The following CSTF3 variants were observed in gnomAD, a reference collection of about 807,000 sequenced individuals.
CSTF3 encodes the protein cleavage stimulation factor subunit 3, also known as CF-1 77 kDa subunit.
Under a neutral mutation model 105.8 loss-of-function variants are expected in CSTF3, and 29 were observed. The observed-to-expected ratio is 0.27, with a 90% confidence interval of 0.20 to 0.37. The LOEUF (loss-of-function observed/expected upper bound fraction) is 0.37. Ranked by LOEUF, CSTF3 falls within the 10% of genes least tolerant of loss-of-function variation. CSTF3 has a pLI of 1.00. For missense variants in CSTF3, 357 were observed against 879.3 expected, an observed-to-expected ratio of 0.41 and a Z score of 7.51; for synonymous variants, 252 against 281.9, an observed-to-expected ratio of 0.89 and a Z score of 1.06.
intron 1 of CSTF3, among the ~76,000 whole-genome samples, chr11:33,154,234 C>G (rs1849826002): frequency 6.6e-6 from 1 of 152,066 alleles, no homozygotes; most frequent in South Asian, 2.1e-4. Flanking sequence ...TTATAACGCA[C>G]CTAATTATGA....
rs184864460 is a variant in CSTF3 at position 33,087,426 on chromosome 11, G to C, written c.1642-285C>G. On this transcript the variant is annotated intron_variant, in intron 17 of 20. Transcript: ENST00000323959. ...TGTAGGACAGATACAAGCTTTTTTG[G>C]GTAGTCAGACTGGGAACCAAGTAGA... Among the ~76,000 whole-genome samples the C allele has an allele frequency of 3.4e-3, 522 of 152,200 alleles. 2 individuals are homozygous for C. The highest frequency in any genetic ancestry group is 5.2e-3 in the Non-Finnish European group (355 of 68,002).
intron 1 of CSTF3, among the ~76,000 whole-genome samples, chr11:33,158,911 C>A (rs944550128): frequency 1.3e-5 from 2 of 151,888 alleles, no homozygotes; most frequent in African/African-American, 4.8e-5. Context: ...ACAACAGCCC[C>A]AGGGGAGAAG....
rs765149673 is a variant in CSTF3 at position 33,096,337 on chromosome 11, C to G, written c.1344G>C (p.Leu448=). The change falls in exon 15 of 21, where the codon CTG becomes CTC. Residue 448 remains leucine, a synonymous_variant. Transcript: ENST00000323959. ...GGTGAGAAAGATAGTCAATATAGGC[C>G]AGGACATACTCTGGAATGTCTCCAT... is the stretch of plus-strand genomic sequence containing the variant. ...KKYGDIPEYV[L]AYIDYLSHLN... 2.5e-6 allele frequency: 4 copies of G among 1,595,226 alleles called. No homozygotes were observed. The highest frequency in any genetic ancestry group is 3.4e-6 in the Non-Finnish European group (4 of 1,175,848).
chr11:33,099,045 C>G lies in CSTF3; in HGVS notation c.1042G>C (p.Asp348His). 2 of 1,568,972 alleles carry G rather than the reference C, an allele frequency of 1.3e-6. No homozygotes were observed. Among genetic ancestry groups the G allele is most frequent in the Non-Finnish European group, 1.7e-6 (2 of 1,169,588 alleles). ...KNMLLYFAYA[D>H]YEESRMKYEK... is the part of the protein sequence containing the mutation. ...ACATTTTTACTTACCTCTTCATAAT[C>G]TGCATATGCAAAATAAAGAAGCATA... The change falls in exon 12 of 21, where the codon GAT (aspartate) becomes CAT (histidine). Residue 348 changes from aspartate to histidine, a missense_variant. Asp to His is a moderately conservative substitution (Grantham distance 81, BLOSUM62 -1). This residue lies in a region of CSTF3 where 206 missense variants were observed against 576.5 expected (regional missense o/e 0.36). Coordinates refer to ENST00000323959, the MANE Select transcript of CSTF3 (RefSeq NM_001326.3). This position sits in a 1 kb window ranked among gnomAD's most constrained non-coding sequence, Gnocchi z 4.1.
At chr11:33,114,038 G>T (rs1405581672) in intron 3 of CSTF3, among the ~76,000 whole-genome samples, 3 of 152,060 alleles carry the variant, frequency 2.0e-5, no homozygotes, top group Non-Finnish European at 4.4e-5. Context: ...AGCATTAATT[G>T]GTCATCACGT....
intron 18 of CSTF3, 37 bp downstream of exon 18, chr11:33,086,951 C>G: frequency 6.2e-7 from 1 of 1,613,318 alleles, no homozygotes; most frequent in Non-Finnish European, 8.5e-7. Context: ...AACAAACAAA[C>G]CAACGTCTCA....
intron 15 of CSTF3, among the ~76,000 whole-genome samples, chr11:33,095,796 T>C (rs935744915): frequency 4.8e-5 from 7 of 144,634 alleles, no homozygotes; most frequent in Non-Finnish European, 1.1e-4. Flanking sequence ...CACTCCAGCC[T>C]GGGCGACAGC....
At position 33,123,640 on chromosome 11, in the gene CSTF3, C is replaced by T. The variant is rs139775951; in HGVS notation, c.226-15222G>A. ...TCAGTAGGAGACAAGTTAAAAGAAA[C>T]ATAGAATATTATGTACTTGTAGAAA... On this transcript the variant is annotated intron_variant, in intron 3 of 20. Transcript: ENST00000323959. Among the ~76,000 whole-genome samples the T allele has an allele frequency of 1.7e-3, 263 of 151,882 alleles. 7 individuals are homozygous for T. In the East Asian group the frequency reaches 0.043, roughly 25 times the overall value.
chr11:33,155,776 C>T (rs1467037689), intron 1 of CSTF3, among the ~76,000 whole-genome samples: 3 of 152,046 alleles, frequency 2.0e-5, no homozygotes, highest in Admixed American at 6.6e-5. Flanking sequence ...AACAAAAAGA[C>T]TCAAATTCAC....
At chr11:33,095,825 AATAAATAAAT>A (rs771850895) in intron 15 of CSTF3, among the ~76,000 whole-genome samples, 5 of 150,750 alleles carry the variant, frequency 3.3e-5, no homozygotes, top group South Asian at 2.1e-4. Context: ...GTCTCAAATA[AATAAATAAAT>A]AAATAAATAA....
At chr11:33,108,588 T>C (rs895880541) in intron 3 of CSTF3, among the ~76,000 whole-genome samples, 170 bp from the exon 4 acceptor site, 1 of 152,326 alleles carries the variant, frequency 6.6e-6, no homozygotes, top group South Asian at 2.1e-4. Context: ...ATAAAATGCA[T>C]TGTAAATATA....
At chr11:33,100,354 C>CA (rs71034652) in intron 10 of CSTF3, among the ~76,000 whole-genome samples, 69,028 of 126,830 alleles carry the variant, frequency 0.54, 20,535 homozygotes, top group Middle Eastern at 0.69. Context: ...GACTCCATCT[C>CA]AAAAAAAAAA....
intron 15 of CSTF3, 57 bp from the exon 16 acceptor site, chr11:33,092,397 T>C: frequency 8.9e-7 from 1 of 1,122,078 alleles, no homozygotes; most frequent in Non-Finnish European, 1.3e-6. Context: ...TGCAACAATA[T>C]TTTCATATGC....
chr11:33,091,139 T>A lies in CSTF3; in HGVS notation c.1446-412A>T, dbSNP rs1855164990. Among the ~76,000 whole-genome samples the A allele has an allele frequency of 2.6e-5, 4 of 152,338 alleles. No individual in the cohort carries two copies. In the South Asian group the frequency reaches 8.3e-4, roughly 32 times the overall value. ...CAGATTTCTAATTTCTCCTGAATAA[T>A]GTGGCTTCATTTTAAGTGGCAGGAA... is the stretch of plus-strand genomic sequence containing the variant. On this transcript the variant is annotated intron_variant, in intron 16 of 20. Transcript: ENST00000323959.
intron 19 of CSTF3, 29 bp downstream of exon 19, chr11:33,085,866 G>GTATC (rs757348319): frequency 6.3e-7 from 1 of 1,578,384 alleles, no homozygotes; most frequent in African/African-American, 1.4e-5. Flanking sequence ...CACAGAGCCA[G>GTATC]TATCTACCAT....
intron 1 of CSTF3, among the ~76,000 whole-genome samples, chr11:33,161,010 C>G (rs1384156432): frequency 6.6e-6 from 1 of 152,042 alleles, no homozygotes; most frequent in Non-Finnish European, 1.5e-5. Context: ...AAAACGATAT[C>G]AAAGGAAAGC....
intron 1 of CSTF3, among the ~76,000 whole-genome samples, chr11:33,149,620 G>A (rs1389016014): frequency 6.6e-6 from 1 of 152,186 alleles, no homozygotes; most frequent in African/African-American, 2.4e-5. Context: ...AACAGGCTGG[G>A]CAGAGTGGCT....
At chr11:33,158,228 C>G (rs964738479) in intron 1 of CSTF3, among the ~76,000 whole-genome samples, 38 of 151,994 alleles carry the variant, frequency 2.5e-4, no homozygotes, top group African/African-American at 9.2e-4. Flanking sequence ...AGATGACTTC[C>G]TTGTTGATAA....
intron 3 of CSTF3, among the ~76,000 whole-genome samples, chr11:33,120,029 G>A (rs1242670237): frequency 6.6e-6 from 1 of 151,674 alleles, no homozygotes; most frequent in African/African-American, 2.4e-5. Context: ...GATCACACCA[G>A]CAACAGCAAC....
Sources: allele counts gnomAD v4.1 joint callset (sites outside exome capture counted in the v4.1 genomes callset), GRCh38; gene constraint gnomAD v4.1.1; regional missense constraint gnomAD v4.1.1; non-coding constraint Gnocchi (gnomAD v3.1); transcripts MANE v1.5; gene names NCBI Gene and HGNC (gene_info 2026-07-23, HGNC 2026-07-21).